The following SYBU variants were observed in gnomAD, a reference collection of about 807,000 sequenced individuals.
The protein encoded by SYBU is syntabulin.
Under a neutral mutation model 35.9 loss-of-function variants are expected in SYBU, and 21 were observed. That is an observed-to-expected ratio of 0.58 (90% confidence interval 0.41 to 0.84). The LOEUF (loss-of-function observed/expected upper bound fraction) is 0.84, where lower values mean the gene tolerates loss of function less well. Among genes scored for constraint, SYBU ranks in the 40% least tolerant of loss-of-function variants. The pLI is 0.00. For synonymous variants in SYBU, 319 were observed against 324.3 expected (o/e 0.98, Z 0.18); for missense variants, 768 against 848.2 (o/e 0.91, Z 1.17).
intron 1 of SYBU, among the ~76,000 whole-genome samples, chr8:109,655,294 G>A (rs1238064770): frequency 6.6e-6 from 1 of 152,212 alleles, no homozygotes; most frequent in Non-Finnish European, 1.5e-5. Context: ...CCTGTCTTGA[G>A]TGTGAAATAG....
chr8:109,679,876 AAATAG>A (rs1817338615), intron 1 of SYBU, among the ~76,000 whole-genome samples: 1 of 152,234 alleles, frequency 6.6e-6, no homozygotes, highest in Admixed American at 6.5e-5. Context: ...CCAATAAGAA[AAATAG>A]CTGTATTTAA....
intron 3 of SYBU, among the ~76,000 whole-genome samples, chr8:109,618,239 G>A (rs547747270): frequency 4.5e-4 from 69 of 152,320 alleles, no homozygotes; most frequent in African/African-American, 1.6e-3. Flanking sequence ...CAGATTCTGA[G>A]AATTGACCTT....
exon 1 of SYBU, chr8:109,680,987 G>A (rs893372761): frequency 2.0e-5 from 3 of 152,220 alleles, no homozygotes; most frequent in Non-Finnish European, 4.4e-5. Flanking sequence ...AAAGCTTCCA[G>A]CTTAAATATC....
chr8:109,675,742 T>G (rs1817164274), intron 1 of SYBU, among the ~76,000 whole-genome samples: 1 of 152,150 alleles, frequency 6.6e-6, no homozygotes, highest in African/African-American at 2.4e-5. Flanking sequence ...CCTTCTGAAA[T>G]CATTCCAAAC....
intron 1 of SYBU, among the ~76,000 whole-genome samples, chr8:109,661,132 C>A (rs1248445802): frequency 1.3e-5 from 2 of 152,148 alleles, no homozygotes; most frequent in Non-Finnish European, 2.9e-5. Flanking sequence ...AGTGTGTGCA[C>A]CATACAGTGT....
chr8:109,679,713 C>G (rs1432574871), intron 1 of SYBU, among the ~76,000 whole-genome samples: 4 of 152,178 alleles, frequency 2.6e-5, no homozygotes, highest in Admixed American at 1.3e-4. Context: ...ACAATAATTA[C>G]CTCTATTTCA....
chr8:109,681,239 A>T (rs1817387756), upstream of SYBU, among the ~76,000 whole-genome samples: 1 of 152,170 alleles, frequency 6.6e-6, no homozygotes. Flanking sequence ...TGGCGTGCAA[A>T]ATTTTCATTA....
chr8:109,601,587 TTAGC>T (rs1825526940), intron 3 of SYBU, among the ~76,000 whole-genome samples: 1 of 151,954 alleles, frequency 6.6e-6, no homozygotes, highest in Admixed American at 6.6e-5. Flanking sequence ...AGAAATCTTC[TTAGC>T]TAGGGTGAAG....
At chr8:109,676,523 T>C (rs1817196555) in intron 1 of SYBU, among the ~76,000 whole-genome samples, 3 of 152,212 alleles carry the variant, frequency 2.0e-5, no homozygotes, top group Admixed American at 6.5e-5. Flanking sequence ...AGTTATCATG[T>C]AGTTGGTTAC....
At position 109,575,379 on chromosome 8, in the gene SYBU, G is replaced by A. The variant is rs1473923385; in HGVS notation, c.1519C>T (p.Leu507=). The A allele has an allele frequency of 6.2e-7, 1 of 1,614,124 alleles. No homozygotes were observed. Among genetic ancestry groups the A allele is most frequent in the Non-Finnish European group, 8.5e-7 (1 of 1,180,028 alleles). Residue 507 remains leucine, a synonymous_variant, in exon 7 of 7, where the codon CTG becomes TTG. Coordinates refer to ENST00000276646, the MANE Select transcript of SYBU (RefSeq NM_001099754.2). ...GGACAGGGGTCCTGGAGCTTCTGCAGCACACTCTGAATGAGCTCTGAGATG... is the reference window on the plus strand; with the variant it reads ...GGACAGGGGTCCTGGAGCTTCTGCAACACACTCTGAATGAGCTCTGAGATG... The part of the protein sequence containing the change: ...PAISELIQSV[L]QKLQDPCPSS...
intron 3 of SYBU, chr8:109,608,083 G>A (rs1741359498): frequency 6.5e-6 from 5 of 765,740 alleles, no homozygotes; most frequent in Non-Finnish European, 1.0e-5. Flanking sequence ...CATGTGCAGG[G>A]CAAGGAAGTT....
At chr8:109,626,315 A>G (rs937854475) in intron 2 of SYBU, among the ~76,000 whole-genome samples, 1 of 152,236 alleles carries the variant, frequency 6.6e-6, no homozygotes, top group East Asian at 1.9e-4. Context: ...TCAAAGATCA[A>G]CTAAATATTT....
At chr8:109,645,008 G>T, upstream of SYBU, 1 of 476,044 alleles carries the variant, frequency 2.1e-6, no homozygotes, top group Admixed American at 2.9e-5. Flanking sequence ...AGCCAGAGCC[G>T]GTGTCCCTCC....
At chr8:109,604,415 G>A (rs73317062) in intron 3 of SYBU, among the ~76,000 whole-genome samples, 2,979 of 152,136 alleles carry the variant, frequency 0.02, 107 homozygotes, top group African/African-American at 0.067. Context: ...TGGACACTAC[G>A]CTTCCTCCTG....
intron 1 of SYBU, among the ~76,000 whole-genome samples, chr8:109,668,175 A>AAAGG (rs146745500): frequency 1.1e-5 from 1 of 93,886 alleles, no homozygotes; most frequent in Non-Finnish European, 2.1e-5. Flanking sequence ...GGAGAGAGAG[A>AAAGG]GAGAGAGAGA....
Position 109,579,963 on chromosome 8 carries a change from G to A in SYBU, c.570C>T (p.His190=), listed in dbSNP as rs766826185. The A allele has an allele frequency of 8.1e-6, 13 of 1,613,450 alleles. No individual in the cohort carries two copies. The highest frequency in any genetic ancestry group is 1.1e-5 in the Non-Finnish European group (13 of 1,180,036). The change falls in exon 5 of 7, where the codon CAC becomes CAT. Residue 190 remains histidine, a synonymous_variant. Coordinates refer to ENST00000276646, the MANE Select transcript of SYBU (RefSeq NM_001099754.2). The part of the protein sequence containing the change: ...PHGRSNGASS[H]KPGSSPSSPR... ...GGGATGATGGGCTGCTGCCAGGCTT[G>A]TGTGACGAAGCTCCATTACTCCGCC...
At chr8:109,593,898 T>TCCTA (rs1258994513) in intron 3 of SYBU, among the ~76,000 whole-genome samples, 3 of 152,186 alleles carry the variant, frequency 2.0e-5, no homozygotes, top group Non-Finnish European at 4.4e-5. Flanking sequence ...ATAAATGTCA[T>TCCTA]CCTAGCTCAT....
intron 3 of SYBU, among the ~76,000 whole-genome samples, chr8:109,592,575 T>C (rs1236403706): frequency 1.3e-5 from 2 of 152,204 alleles, no homozygotes; most frequent in African/African-American, 4.8e-5. Context: ...CCCAGTTCAC[T>C]CCTGTACCTT....
In SYBU at chr8:109,592,312, C is replaced by CTG. The variant is rs935492297; in HGVS notation, c.428-6152_428-6151dup. ...ATGTTTCTGTTTTTTAATTCTCTTT[C>CTG]TGTGTGTGTGTGTGTACAATAAGAT... On this transcript the variant is annotated intron_variant, in intron 3 of 6. Coordinates refer to ENST00000276646, the MANE Select transcript of SYBU (RefSeq NM_001099754.2). 2.6e-4 allele frequency among the ~76,000 whole-genome samples: 40 copies of CTG among 151,340 alleles called. 1 individual carries two copies. The highest frequency in any genetic ancestry group is 2.5e-3 in the South Asian group (12 of 4,786).
Sources: allele counts gnomAD v4.1 joint callset (sites outside exome capture counted in the v4.1 genomes callset), GRCh38; gene constraint gnomAD v4.1.1; transcripts MANE v1.5; gene names NCBI Gene and HGNC (gene_info 2026-07-23, HGNC 2026-07-21).